The following SRRM3 variants were observed in gnomAD, a reference collection of about 807,000 sequenced individuals.
The protein encoded by SRRM3 is serine/arginine repetitive matrix 3.
SRRM3 carries 27 observed loss-of-function variants against 66.2 expected under a neutral mutation model. That is an observed-to-expected ratio of 0.41 (90% CI 0.30 to 0.56). The LOEUF (loss-of-function observed/expected upper bound fraction) is 0.56, where lower values mean the gene tolerates loss of function less well. Among genes scored for constraint, SRRM3 ranks in the 20% least tolerant of loss-of-function variants. The pLI is 0.32. For missense variants in SRRM3, 918 were observed against 991.9 expected (o/e 0.93, Z 1.00); for synonymous variants, 391 against 414.9 (o/e 0.94, Z 0.70).
intron 3 of SRRM3, among the ~76,000 whole-genome samples, chr7:76,255,177 T>C (rs1183674404): frequency 8.8e-6 from 1 of 113,148 alleles, no homozygotes; most frequent in East Asian, 2.9e-4. Flanking sequence ...TGAGATGGAA[T>C]CTAGCTCTTT....
intron 1 of SRRM3, among the ~76,000 whole-genome samples, chr7:76,226,600 T>TTTA (rs1563613612): frequency 0.011 from 1,610 of 140,640 alleles, 20 homozygotes; most frequent in Non-Finnish European, 0.017. Context: ...TTATTTATTT[T>TTTA]ATTTTTTGAG....
chr7:76,211,107 C>A (rs965961537), intron 1 of SRRM3, among the ~76,000 whole-genome samples: 6 of 152,210 alleles, frequency 3.9e-5, no homozygotes, highest in Non-Finnish European at 8.8e-5. Flanking sequence ...CCACTGCGCC[C>A]AGCCAAGAAT....
In SRRM3 at chr7:76,267,357, GC is replaced by G; in HGVS notation, c.934del (p.Gln312SerfsTer287). ...SPSGGSGWGSPQRNGGSGQRS... is the reference protein window; with the variant it reads ...SPSGGSGWGSXQRNGGSGQRS... ...CGTCGGGCGGCAGCGGATGGGGGTCGCCCCAGCGGAACGGCGGCAGCGGGCA... is the reference window on the plus strand; with the variant it reads ...CGTCGGGCGGCAGCGGATGGGGGTCGCCCAGCGGAACGGCGGCAGCGGGCA... On this transcript the variant is annotated frameshift_variant, in exon 11 of 15. Coordinates refer to ENST00000611745, the MANE Select transcript of SRRM3 (RefSeq NM_001110199.3). LOFTEE classifies it high-confidence loss of function. 1 of 1,491,596 alleles carries G rather than the reference GC, an allele frequency of 6.7e-7. No homozygotes were observed. Among genetic ancestry groups the G allele is most frequent in the Non-Finnish European group, 8.9e-7 (1 of 1,127,354 alleles). The allele number at this position is 1,491,596 out of a possible 1,614,324, so 92.4% of individuals were successfully genotyped here. A position where few individuals can be genotyped will look rare whatever the true frequency, so the allele number is the denominator to read the frequency against.
In SRRM3 at chr7:76,283,085, C is replaced by A; in HGVS notation, c.1717C>A (p.Pro573Thr). The change falls in exon 14 of 15, where the codon CCG (proline) becomes ACG (threonine). Residue 573 changes from proline (P) to threonine (T), a missense_variant. By Grantham distance (38) the Pro-to-Thr change is conservative. Transcript: ENST00000611745. The stretch of plus-strand genomic sequence containing the variant: ...CCGGGACTCGCCAAGCTTCATGGAG[C>A]CGCGGCGCATCACCAGGTATGGAGG... ...RRRDSPSFME[P>T]RRITSARKRP... 6.9e-7 allele frequency: 1 copy of A among 1,456,920 alleles called. No individual in the cohort carries two copies. 90.2% of individuals were successfully genotyped at this position (1,456,920 alleles called of 1,614,324 possible).
In SRRM3 at chr7:76,265,663, G is replaced by A. The variant is rs536662680; in HGVS notation, c.830+195G>A. On this transcript the variant is annotated intron_variant, in intron 10 of 14. Coordinates refer to ENST00000611745, the MANE Select transcript of SRRM3 (RefSeq NM_001110199.3). Reference sequence around the variant, plus strand: ...TTTGGGAGGCCAAGGCAGAAGGATCGCTTGAGGCCAGGAGTTCGAGACCAG... The same window carrying A: ...TTTGGGAGGCCAAGGCAGAAGGATCACTTGAGGCCAGGAGTTCGAGACCAG... 4.1e-3 allele frequency among the ~76,000 whole-genome samples: 623 copies of A among 150,396 alleles called. 5 individuals carry two copies. Among genetic ancestry groups the A allele is most frequent in the Middle Eastern group, 0.017 (5 of 292 alleles).
chr7:76,272,552 TGA>T (rs1287218617), intron 11 of SRRM3, among the ~76,000 whole-genome samples: 1 of 152,048 alleles, frequency 6.6e-6, no homozygotes, highest in Non-Finnish European at 1.5e-5. Flanking sequence ...CTCGGGAGGC[TGA>T]GTCAGGAGAA....
At chr7:76,205,663 G>A (rs1222164218) in intron 1 of SRRM3, among the ~76,000 whole-genome samples, 1 of 152,232 alleles carries the variant, frequency 6.6e-6, no homozygotes, top group African/African-American at 2.4e-5. Context: ...CCCTGAGAGG[G>A]TGTGGAAGGC....
chr7:76,222,734 G>A (rs1188171973), intron 1 of SRRM3, among the ~76,000 whole-genome samples: 1 of 151,992 alleles, frequency 6.6e-6, no homozygotes, highest in Admixed American at 6.6e-5. Context: ...CAATCCTCCT[G>A]CCTCAGCCTC....
At chr7:76,245,819 G>A (rs782297134) in intron 2 of SRRM3, among the ~76,000 whole-genome samples, 20 of 152,140 alleles carry the variant, frequency 1.3e-4, no homozygotes, top group Admixed American at 5.9e-4. Context: ...CCTCGGCCTC[G>A]TGGGTAGCTG....
At chr7:76,238,921 C>G (rs1801214154) in intron 2 of SRRM3, among the ~76,000 whole-genome samples, 1 of 151,846 alleles carries the variant, frequency 6.6e-6, no homozygotes, top group Non-Finnish European at 1.5e-5. Context: ...CTTAGCCTCC[C>G]AAAATGCTGG....
rs371705617 is a variant in SRRM3 at position 76,207,014 on chromosome 7, A to G, written c.-40+4947A>G. On this transcript the variant is annotated intron_variant, in intron 1 of 14. Coordinates refer to ENST00000611745, the MANE Select transcript of SRRM3 (RefSeq NM_001110199.3). ...CCTAGTCCAGCACTCCCTCCCCACC[A>G]CCATTTCCCAGGACTTCCCAGGACA... 3.3e-5 allele frequency among the ~76,000 whole-genome samples: 5 copies of G among 152,180 alleles called. No individual in the cohort carries two copies. The East Asian group carries it at 7.7e-4, about 24-fold the overall frequency.
chr7:76,284,375 ACCATGTTAGTCAGGCT>A (rs1802606192), intron 14 of SRRM3, among the ~76,000 whole-genome samples: 1 of 151,916 alleles, frequency 6.6e-6, no homozygotes, highest in Non-Finnish European at 1.5e-5. Flanking sequence ...ACGGGGTTTC[ACCATGTTAGTCAGGCT>A]GGTCTCAAAC....
At chr7:76,254,891 GGAAAA>G (rs1411444815) in intron 3 of SRRM3, among the ~76,000 whole-genome samples, 1 of 151,986 alleles carries the variant, frequency 6.6e-6, no homozygotes, top group Non-Finnish European at 1.5e-5. Flanking sequence ...AGAGGAGCAT[GGAAAA>G]GAAAAGAGAA....
intron 1 of SRRM3, among the ~76,000 whole-genome samples, chr7:76,220,619 G>A (rs1483806896): frequency 6.6e-6 from 1 of 152,230 alleles, no homozygotes; most frequent in Non-Finnish European, 1.5e-5. Context: ...GCAGGGAAAG[G>A]GTCAGCCCGA....
intron 2 of SRRM3, among the ~76,000 whole-genome samples, chr7:76,238,199 T>C (rs1400402963): frequency 3.9e-5 from 6 of 152,176 alleles, no homozygotes; most frequent in African/African-American, 1.4e-4. Context: ...ACCTGGAAAA[T>C]AGGGGCACCT....
At position 76,282,811 on chromosome 7, in the gene SRRM3, T is replaced by C; in HGVS notation, c.1534T>C (p.Ser512Pro). Residue 512 changes from serine (S) to proline (P), a missense_variant, in exon 13 of 15, where the codon TCT (serine) becomes CCT (proline). Transcript: ENST00000611745. ...SRSPSKSRSRSAEKRPHSPSR... is the reference protein window; with the variant it reads ...SRSPSKSRSRPAEKRPHSPSR... ...CTCGCCCTCCAAATCTCGCTCGCGCTCTGCGGAGAAGCGGCCCCACAGCCC... is the reference window on the plus strand; with the variant it reads ...CTCGCCCTCCAAATCTCGCTCGCGCCCTGCGGAGAAGCGGCCCCACAGCCC... 6.8e-7 allele frequency: 1 copy of C among 1,464,912 alleles called. No homozygotes were observed. The highest frequency in any genetic ancestry group is 2.4e-5 in the Admixed American group (1 of 41,238). 90.7% of individuals were successfully genotyped at this position (1,464,912 alleles called of 1,614,324 possible).
At chr7:76,212,286 C>T (rs191900187) in intron 1 of SRRM3, among the ~76,000 whole-genome samples, 102 of 149,960 alleles carry the variant, frequency 6.8e-4, no homozygotes, top group Admixed American at 1.5e-3. Context: ...GTAGCTGGGA[C>T]CACAGGTGCA....
rs545079548 is a variant in SRRM3, at chr7:76,264,286, C to T, written c.675-479C>T. Among the ~76,000 whole-genome samples, 8 of 151,956 alleles carry T rather than the reference C, an allele frequency of 5.3e-5. No individual in the cohort carries two copies. The South Asian group carries it at 1.7e-3, about 32-fold the overall frequency. ...GGTTCAAGCGATTCTCTTGCCTCAG[C>T]CTCCCTAGTAGCTGGGATTATAGGC... On this transcript the variant is annotated intron_variant, in intron 8 of 14. Coordinates refer to ENST00000611745, the MANE Select transcript of SRRM3 (RefSeq NM_001110199.3).
In SRRM3 at chr7:76,264,746, T is replaced by TG. The variant is rs1554609233; in HGVS notation, c.675-17dup. ...CCCTCCCCGGGCCACACCATCACTG[T>TG]GGTCTCTGCTCTCTGCAGATCTCGA... is the stretch of plus-strand genomic sequence containing the variant. On this transcript the variant is annotated intron_variant, in intron 8 of 14. Transcript: ENST00000611745. 1.2e-6 allele frequency: 2 copies of TG among 1,613,692 alleles called. No individual in the cohort carries two copies. Among genetic ancestry groups the TG allele is most frequent in the Admixed American group, 3.3e-5 (2 of 59,976 alleles).
Sources: gnomAD v4.1 joint callset for allele counts (sites outside exome capture counted in the v4.1 genomes callset) on GRCh38, gnomAD v4.1.1 for gene constraint, MANE v1.5 for transcripts, NCBI Gene and HGNC (gene_info 2026-07-23, HGNC 2026-07-21) for gene names.